The following GALNT17 variants were observed in gnomAD, a reference collection of about 807,000 sequenced individuals.
The protein encoded by GALNT17 is polypeptide N-acetylgalactosaminyltransferase 17, also known as UDP-GalNAc:polypeptide N-acetylgalactosaminyltransferase-like 3.
In GALNT17, 29 loss-of-function variants were observed where a neutral mutation model predicts 63.7. That is an observed-to-expected ratio of 0.46 (90% CI 0.34 to 0.62). The LOEUF (loss-of-function observed/expected upper bound fraction) is 0.62, where lower values mean the gene tolerates loss of function less well. GALNT17 is among the 20% of genes least tolerant of loss of function. The pLI is 0.01. For missense variants in GALNT17, 603 were observed against 799.6 expected (o/e 0.75, Z 2.97); for synonymous variants, 305 against 318.3 (o/e 0.96, Z 0.45).
intron 5 of GALNT17, among the ~76,000 whole-genome samples, chr7:71,536,715 G>A (rs920063650): frequency 2.6e-5 from 4 of 152,196 alleles, no homozygotes; most frequent in African/African-American, 9.6e-5. Flanking sequence ...AATTCAAGAT[G>A]AGATTTGAGT....
chr7:71,701,454 T>C (rs1411569017), intron 9 of GALNT17, among the ~76,000 whole-genome samples: 1 of 151,278 alleles, frequency 6.6e-6, no homozygotes, highest in African/African-American at 2.4e-5. Flanking sequence ...GCCATTGTAC[T>C]CCAGCCTGGA....
intron 6 of GALNT17, among the ~76,000 whole-genome samples, chr7:71,623,098 C>T (rs908796777): frequency 6.6e-6 from 1 of 152,102 alleles, no homozygotes; most frequent in African/African-American, 2.4e-5. Context: ...AGACTATGAG[C>T]TCCTAAGTTC....
intron 2 of GALNT17, among the ~76,000 whole-genome samples, chr7:71,346,277 A>G (rs1459284677): frequency 6.6e-6 from 1 of 151,944 alleles, no homozygotes; most frequent in East Asian, 1.9e-4. Flanking sequence ...TCTATGTTAA[A>G]CTTTCTTTTT....
chr7:71,516,536 C>T (rs986609433), intron 5 of GALNT17, among the ~76,000 whole-genome samples: 1 of 152,150 alleles, frequency 6.6e-6, no homozygotes, highest in Non-Finnish European at 1.5e-5. Flanking sequence ...TCTCTCCTGT[C>T]TCCTGGGTAG....
chr7:71,671,785 G>T (rs1791073280), intron 8 of GALNT17, among the ~76,000 whole-genome samples: 2 of 152,198 alleles, frequency 1.3e-5, no homozygotes, highest in Admixed American at 1.3e-4. Flanking sequence ...CAGCACTTTG[G>T]GAGGCCAAGG....
At chr7:71,251,951 A>C (rs1347106990) in intron 1 of GALNT17, among the ~76,000 whole-genome samples, 2 of 152,158 alleles carry the variant, frequency 1.3e-5, no homozygotes, top group African/African-American at 4.8e-5. Flanking sequence ...CTGTACAGTC[A>C]CTACCTGGGC....
chr7:71,545,150 C>T (rs4128374), intron 5 of GALNT17, among the ~76,000 whole-genome samples: 108,967 of 151,954 alleles, frequency 0.72, 39,398 homozygotes, highest in Non-Finnish European at 0.75. Context: ...ACTTATCTCT[C>T]GTCCCCTCTG....
chr7:71,524,081 G>A (rs1788575439), intron 5 of GALNT17, among the ~76,000 whole-genome samples: 1 of 151,306 alleles, frequency 6.6e-6, no homozygotes, highest in South Asian at 2.1e-4. Flanking sequence ...TCACACCATT[G>A]CGCTTCAGCC....
intron 1 of GALNT17, among the ~76,000 whole-genome samples, chr7:71,220,384 A>G (rs1031413612): frequency 3.3e-5 from 5 of 152,148 alleles, no homozygotes; most frequent in Non-Finnish European, 7.3e-5. Flanking sequence ...GTTTGGCTTG[A>G]TTGTAGAAAG....
At chr7:71,646,753 T>TA (rs1339092441) in intron 6 of GALNT17, among the ~76,000 whole-genome samples, 1 of 149,774 alleles carries the variant, frequency 6.7e-6, no homozygotes, top group African/African-American at 2.5e-5. Flanking sequence ...TTTCCTTTTT[T>TA]TTTTTTTTTT....
chr7:71,669,988 T>C lies in GALNT17; in HGVS notation c.1283T>C (p.Ile428Thr). 1.9e-6 allele frequency: 3 copies of C among 1,614,096 alleles called. No individual in the cohort carries two copies. The highest frequency in any genetic ancestry group is 1.7e-6 in the Non-Finnish European group (2 of 1,179,996). Reference sequence around the variant, plus strand: ...TCCTTTCAGAATCCGGGAATTGACATCGGTGATGTCTCCGAAAGAAGAGCA... The same window carrying C: ...TCCTTTCAGAATCCGGGAATTGACACCGGTGATGTCTCCGAAAGAAGAGCA... Reference protein sequence around the residue: ...NLPLENPGIDIGDVSERRALR... With the variant: ...NLPLENPGIDTGDVSERRALR... The change falls in exon 8 of 11, where the codon ATC becomes ACC. Residue 428 changes from isoleucine (I) to threonine (T), a missense_variant. Ile to Thr is a moderately conservative substitution (Grantham distance 89). Around this residue, in one of 3 missense-constraint regions of GALNT17, gnomAD observed 336 missense variants for 507.8 expected, o/e 0.66. Transcript: ENST00000333538.
intron 2 of GALNT17, among the ~76,000 whole-genome samples, chr7:71,357,113 C>A (rs892510676): frequency 4.2e-4 from 64 of 152,056 alleles, no homozygotes; most frequent in African/African-American, 1.3e-3. Flanking sequence ...TGTGTGTTTG[C>A]GATAGGGAAT....
intron 5 of GALNT17, among the ~76,000 whole-genome samples, chr7:71,437,102 G>A (rs578209345): frequency 6.6e-5 from 10 of 152,224 alleles, no homozygotes; most frequent in South Asian, 4.1e-4. Flanking sequence ...GGTAATTACC[G>A]TTGCTGACCC....
At chr7:71,202,463 G>T (rs959523543) in intron 1 of GALNT17, among the ~76,000 whole-genome samples, 1 of 152,062 alleles carries the variant, frequency 6.6e-6, no homozygotes, top group Admixed American at 6.6e-5. Context: ...ATGTCACAAA[G>T]ATTTTTTCCA....
At chr7:71,203,428 T>C (rs572329712) in intron 1 of GALNT17, among the ~76,000 whole-genome samples, 1 of 152,362 alleles carries the variant, frequency 6.6e-6, no homozygotes, top group Admixed American at 6.5e-5. Flanking sequence ...TTGTTGGCCA[T>C]TTGTATCTCT....
At chr7:71,440,373 AAT>A (rs1787043541) in intron 5 of GALNT17, among the ~76,000 whole-genome samples, 1 of 77,276 alleles carries the variant, frequency 1.3e-5, no homozygotes, top group Non-Finnish European at 2.2e-5. Context: ...TTTCTTTCTT[AAT>A]TTTTTTTTTT....
At chr7:71,480,951 G>A (rs1407504142) in intron 5 of GALNT17, among the ~76,000 whole-genome samples, 1 of 152,182 alleles carries the variant, frequency 6.6e-6, no homozygotes, top group African/African-American at 2.4e-5. Context: ...GCAACACAGA[G>A]CTACAGAGGG....
At chr7:71,220,882 C>T (rs1231870983) in intron 1 of GALNT17, among the ~76,000 whole-genome samples, 1 of 152,088 alleles carries the variant, frequency 6.6e-6, no homozygotes, top group Non-Finnish European at 1.5e-5. Flanking sequence ...TTCAATACAC[C>T]CCCCTCTGTA....
chr7:71,237,377 T>A (rs1789912272), intron 1 of GALNT17, among the ~76,000 whole-genome samples: 1 of 151,392 alleles, frequency 6.6e-6, no homozygotes, highest in Admixed American at 6.6e-5. Flanking sequence ...CAGGAAGATG[T>A]CTGGAATAAG....
Sources: allele counts gnomAD v4.1 joint callset (sites outside exome capture counted in the v4.1 genomes callset), GRCh38; gene constraint gnomAD v4.1.1; regional missense constraint gnomAD v4.1.1; transcripts MANE v1.5; gene names NCBI Gene and HGNC (gene_info 2026-07-23, HGNC 2026-07-21).